RYR2: variants seen among roughly 807,000 people sequenced by gnomAD.
RYR2 encodes cardiac muscle ryanodine receptor-calcium release channel.
RYR2 carries 227 observed loss-of-function variants against 601.1 expected under a neutral mutation model. The observed-to-expected ratio is 0.38, with a 90% CI of 0.34 to 0.42. The LOEUF is 0.42. Among genes scored for constraint, RYR2 ranks in the 10% least tolerant of loss-of-function variants. RYR2 has a pLI of 1.00. For missense variants in RYR2, 4,646 were observed against 6,156.5 expected (o/e 0.75, Z 8.21); for synonymous variants, 2,223 against 2,175.1 (o/e 1.02, Z -0.61).
At chr1:237,112,571 C>CAAAAAAA (rs11419585) in intron 1 of RYR2, among the ~76,000 whole-genome samples, 1 of 137,204 alleles carries the variant, frequency 7.3e-6, no homozygotes, top group African/African-American at 2.7e-5. Context: ...GCTACAACAT[C>CAAAAAAA]AAAAAAAAAA....
intron 56 of RYR2, among the ~76,000 whole-genome samples, chr1:237,665,413 A>G (rs1490782352): frequency 6.6e-6 from 1 of 151,832 alleles, no homozygotes; most frequent in Non-Finnish European, 1.5e-5. Context: ...AAAAAAAAAA[A>G]AAAAAAGGAA....
intron 58 of RYR2, among the ~76,000 whole-genome samples, chr1:237,671,518 T>C (rs529927826): frequency 3.8e-4 from 57 of 149,554 alleles, no homozygotes; most frequent in African/African-American, 1.2e-3. Context: ...TGTGTGTGTG[T>C]GCGTGTGTGT....
chr1:237,813,814 G>T (rs1216519185), intron 100 of RYR2, among the ~76,000 whole-genome samples: 1 of 152,134 alleles, frequency 6.6e-6, no homozygotes, highest in Non-Finnish European at 1.5e-5. Context: ...CAGCTCTGTT[G>T]TAGGTTTTTA....
At chr1:237,211,688 G>A (rs2149096162) in intron 1 of RYR2, among the ~76,000 whole-genome samples, 1 of 152,278 alleles carries the variant, frequency 6.6e-6, no homozygotes, top group Non-Finnish European at 1.5e-5. Context: ...TCTGAACCAT[G>A]ATTGCCCCAG....
intron 8 of RYR2, among the ~76,000 whole-genome samples, chr1:237,385,689 T>G (rs1701909798): frequency 6.6e-6 from 1 of 152,252 alleles, no homozygotes; most frequent in Admixed American, 6.5e-5. Flanking sequence ...TGTGTGCCTG[T>G]GCACGTGCTT....
At chr1:237,049,172 G>T (rs553292204) in intron 1 of RYR2, among the ~76,000 whole-genome samples, 1 of 152,308 alleles carries the variant, frequency 6.6e-6, no homozygotes, top group South Asian at 2.1e-4. Flanking sequence ...TAGAGCAAAT[G>T]AACAAAGGAG....
At chr1:237,409,336 T>C (rs967373350) in intron 10 of RYR2, among the ~76,000 whole-genome samples, 2 of 152,134 alleles carry the variant, frequency 1.3e-5, no homozygotes, top group Non-Finnish European at 2.9e-5. Flanking sequence ...AGTTCCCTTC[T>C]ATTCCTCATT....
At chr1:237,141,171 T>C (rs1673349692) in intron 1 of RYR2, among the ~76,000 whole-genome samples, 1 of 152,220 alleles carries the variant, frequency 6.6e-6, no homozygotes, top group South Asian at 2.1e-4. Context: ...TGGCTGTAGC[T>C]GCTAGAATTT....
chr1:237,044,850 G>A (rs1428754062), intron 1 of RYR2, among the ~76,000 whole-genome samples: 1 of 151,500 alleles, frequency 6.6e-6, no homozygotes. Context: ...ATAATGGGGA[G>A]ACTGTAGTAT....
intron 17 of RYR2, among the ~76,000 whole-genome samples, chr1:237,488,492 C>T (rs1300965403): frequency 1.3e-5 from 2 of 152,162 alleles, no homozygotes; most frequent in East Asian, 1.9e-4. Flanking sequence ...CTAATCACCT[C>T]CCCAAGGGGA....
chr1:237,457,986 C>A (rs960785873), intron 16 of RYR2, among the ~76,000 whole-genome samples: 1 of 152,164 alleles, frequency 6.6e-6, no homozygotes, highest in Non-Finnish European at 1.5e-5. Flanking sequence ...TCTATTTTCC[C>A]AGTTCCCTTA....
At chr1:237,580,939 T>G (rs548568015) in intron 29 of RYR2, among the ~76,000 whole-genome samples, 34 of 152,330 alleles carry the variant, frequency 2.2e-4, no homozygotes, top group African/African-American at 8.2e-4. Flanking sequence ...GCCTCCAGAC[T>G]GTGAGATCAC....
intron 58 of RYR2, among the ~76,000 whole-genome samples, chr1:237,670,745 A>G (rs991168097): frequency 1.3e-5 from 2 of 152,186 alleles, no homozygotes; most frequent in African/African-American, 4.8e-5. Flanking sequence ...TTGAAAGTTG[A>G]GATTTTTTTC....
chr1:237,293,394 A>G (rs1196897305), intron 2 of RYR2, among the ~76,000 whole-genome samples: 1 of 152,038 alleles, frequency 6.6e-6, no homozygotes, highest in Non-Finnish European at 1.5e-5. Flanking sequence ...TTTAGTAGAG[A>G]TAGGGTTTTG....
In RYR2 at chr1:237,795,388, T is replaced by C. The variant is rs981225773; in HGVS notation, c.13956+57T>C. ...TTAAAGCACAGTTTAGATTTTTATT[T>C]GATGTGATTCAGATGTAGAATAAGA... On this transcript the variant is annotated intron_variant, in intron 96 of 104. Transcript: ENST00000366574. 7.0e-6 allele frequency: 6 copies of C among 853,646 alleles called. No individual in the cohort carries two copies. The African/African-American group carries it at 8.7e-5, about 12-fold the overall frequency. The allele number at this position is 853,646 out of a possible 1,614,324, so 52.9% of individuals were successfully genotyped here. A position where few individuals can be genotyped will look rare whatever the true frequency, so the allele number is the denominator to read the frequency against.
intron 10 of RYR2, among the ~76,000 whole-genome samples, chr1:237,410,889 A>G (rs111739481): frequency 1.3e-5 from 2 of 152,318 alleles, no homozygotes; most frequent in African/African-American, 4.8e-5. Flanking sequence ...TATATAATGT[A>G]TGCATTCTTT....
chr1:237,289,112 G>T (rs766494951), intron 2 of RYR2, among the ~76,000 whole-genome samples: 1 of 152,144 alleles, frequency 6.6e-6, no homozygotes, highest in Non-Finnish European at 1.5e-5. Flanking sequence ...GAGGAGGGCC[G>T]CCCTTTCCTA....
intron 2 of RYR2, among the ~76,000 whole-genome samples, chr1:237,272,546 A>T (rs1443176772): frequency 6.7e-6 from 1 of 148,860 alleles, no homozygotes; most frequent in East Asian, 1.9e-4. Context: ...TAATATATAT[A>T]ATTATGTATA....
At chr1:237,536,714 C>CAAAAAAA (rs71561885) in intron 25 of RYR2, among the ~76,000 whole-genome samples, 1 of 54,420 alleles carries the variant, frequency 1.8e-5, no homozygotes, top group Non-Finnish European at 3.3e-5. Flanking sequence ...GATTCCGTCT[C>CAAAAAAA]AAAAAAAAAA....
Sources: allele counts gnomAD v4.1 joint callset (sites outside exome capture counted in the v4.1 genomes callset), GRCh38; gene constraint gnomAD v4.1.1; transcripts MANE v1.5; gene names NCBI Gene and HGNC (gene_info 2026-07-23, HGNC 2026-07-21).